Variants in MYOM2 observed in about 807,000 individuals in gnomAD.
The protein encoded by MYOM2 is myomesin-2.
In MYOM2, 254 loss-of-function variants were observed where a neutral mutation model predicts 187.6. The ratio of observed to expected loss-of-function variants is 1.35; its 90% CI spans 1.22 to 1.50. The LOEUF is 1.50. Among genes scored for constraint, MYOM2 ranks in the 40% most tolerant of loss-of-function variants. MYOM2 has a pLI of 0.00. For missense variants in MYOM2, 2,796 were observed against 1,924.0 expected (o/e 1.45, Z -8.48); for synonymous variants, 981 against 753.8 (o/e 1.30, Z -4.94).
chr8:2,109,575 C>G, intron 25 of MYOM2, 44 bp downstream of exon 25: 7 of 1,571,290 alleles, frequency 4.5e-6, no homozygotes, highest in Non-Finnish European at 6.0e-6. Flanking sequence ...AGGGAGTCCA[C>G]TTTTGTTGTG....
chr8:2,086,641 G>A (rs1473995325), intron 14 of MYOM2, among the ~76,000 whole-genome samples: 1 of 152,270 alleles, frequency 6.6e-6, no homozygotes, highest in Non-Finnish European at 1.5e-5. Flanking sequence ...AGCAGGGGCG[G>A]AAATTGGCAC....
intron 35 of MYOM2, 132 bp downstream of exon 35, chr8:2,142,529 C>T: frequency 1.2e-6 from 1 of 860,878 alleles, no homozygotes; most frequent in East Asian, 2.4e-5. Context: ...AACAACGCCA[C>T]CAACACCACA....
chr8:2,129,221 C>G lies in MYOM2; in HGVS notation c.3789C>G (p.Asn1263Lys). The change falls in exon 32 of 37, where the codon AAC becomes AAG. Residue 1263 changes from asparagine to lysine, a missense_variant. Asn to Lys is a moderately conservative substitution (Grantham distance 94). Transcript: ENST00000262113. The stretch of plus-strand genomic sequence containing the variant: ...ATTTTACAGACGAAATGAAAGTGAA[C>G]TGGTGTCACAAGTAAGTATGACAGC... ...MKYFTDEMKV[N>K]WCHKDAKISS... 2 of 1,608,764 alleles carry G rather than the reference C, an allele frequency of 1.2e-6. No individual in the cohort carries two copies. Among genetic ancestry groups the G allele is most frequent in the Non-Finnish European group, 1.7e-6 (2 of 1,175,374 alleles).
intron 35 of MYOM2, 77 bp downstream of exon 35, chr8:2,142,474 A>G: frequency 7.1e-7 from 1 of 1,410,050 alleles, no homozygotes; most frequent in Non-Finnish European, 1.0e-6. Context: ...TTGGAGGACC[A>G]ACTTTGTGTA....
At position 2,116,281 on chromosome 8, in the gene MYOM2, T is replaced by C; in HGVS notation, c.3385+6T>C. The C allele has an allele frequency of 6.2e-7, 1 of 1,611,982 alleles. No homozygotes were observed. Among genetic ancestry groups the C allele is most frequent in the Non-Finnish European group, 8.5e-7 (1 of 1,178,904 alleles). On this transcript the variant is annotated splice_donor_region_variant and intron_variant, in intron 27 of 36. Transcript: ENST00000262113. ...AGAATTTCTCAGGAAACAAGGTGAG[T>C]TTCCTCACTCTGACCGGCTCCCCTG...
In MYOM2 at chr8:2,078,824, G is replaced by A. The variant is rs1819523515; in HGVS notation, c.1353G>A (p.Arg451=). 6.2e-7 allele frequency: 1 copy of A among 1,614,146 alleles called. No individual in the cohort carries two copies. The highest frequency in any genetic ancestry group is 1.1e-5 in the South Asian group (1 of 91,080). The part of the protein sequence containing the change: ...KYPVTGLFEG[R]SYIFRVRAVN... ...CGGTCACAGGGCTTTTTGAAGGAAG[G>A]TCTTACATATTCCGAGTGAGGGCAG... is the stretch of plus-strand genomic sequence containing the variant. The change falls in exon 12 of 37, where the codon AGG becomes AGA. Residue 451 remains arginine, a synonymous_variant. Transcript: ENST00000262113.
chr8:2,142,745 C>CCTT (rs1277698882), intron 35 of MYOM2, among the ~76,000 whole-genome samples: 1 of 724 alleles, frequency 1.4e-3, no homozygotes, highest in African/African-American at 4.8e-3. Flanking sequence ...TCCCTTCCTC[C>CCTT]CCTCCCTCCC....
intron 6 of MYOM2, among the ~76,000 whole-genome samples, chr8:2,063,642 T>A (rs933148417): frequency 2.0e-5 from 3 of 152,260 alleles, no homozygotes; most frequent in Non-Finnish European, 2.9e-5. Context: ...TAGAGCTTGA[T>A]GTTTAAATTT....
At position 2,129,187 on chromosome 8, in the gene MYOM2, T is replaced by C. The variant is rs746666455; in HGVS notation, c.3755T>C (p.Phe1252Ser). ...CTPEGIRLQC[F>S]MKYFTDEMKV... ...CCAGAAGGAATACGACTTCAGTGTT[T>C]CATGAAGTATTTTACAGACGAAATG... Residue 1252 changes from phenylalanine to serine, a missense_variant, in exon 32 of 37, where the codon TTC (phenylalanine) becomes TCC (serine). Phe to Ser is a radical substitution (Grantham distance 155). Transcript: ENST00000262113. The C allele has an allele frequency of 4.2e-5, 68 of 1,612,180 alleles. 3 individuals are homozygous for C. The South Asian group carries it at 7.5e-4, about 18-fold the overall frequency.
intron 15 of MYOM2, among the ~76,000 whole-genome samples, chr8:2,092,019 T>C (rs1038062303): frequency 1.3e-5 from 2 of 152,160 alleles, no homozygotes; most frequent in Non-Finnish European, 2.9e-5. Flanking sequence ...CAAAAAATAG[T>C]TGTTACCCGG....
intron 3 of MYOM2, among the ~76,000 whole-genome samples, chr8:2,052,592 G>A (rs1818529448): frequency 6.6e-6 from 1 of 152,198 alleles, no homozygotes; most frequent in Admixed American, 6.5e-5. Context: ...CCACTGCCCA[G>A]GATTCCATGT....
chr8:2,143,579 G>T, intron 36 of MYOM2, 123 bp downstream of exon 36: 1 of 1,225,762 alleles, frequency 8.2e-7, no homozygotes, highest in East Asian at 2.5e-5. Flanking sequence ...TCAGCCTGCA[G>T]GGAACCCAGA....
chr8:2,046,707 C>T (rs113499309), intron 1 of MYOM2, among the ~76,000 whole-genome samples: 2,601 of 152,090 alleles, frequency 0.017, 31 homozygotes, highest in Middle Eastern at 0.051. Context: ...CAAAAACTAC[C>T]CTGCGAGGAA....
At chr8:2,071,583 G>T (rs917230950) in intron 8 of MYOM2, among the ~76,000 whole-genome samples, 2 of 152,138 alleles carry the variant, frequency 1.3e-5, no homozygotes, top group Admixed American at 6.5e-5. Flanking sequence ...GCTGAGGTTG[G>T]ACTTAAACCT....
At chr8:2,109,604 A>T in intron 25 of MYOM2, 73 bp downstream of exon 25, 1 of 1,463,218 alleles carries the variant, frequency 6.8e-7, no homozygotes. Flanking sequence ...GTTACTGAAT[A>T]TCAACATTCT....
chr8:2,130,076 CTG>C (rs1484473434), intron 32 of MYOM2, among the ~76,000 whole-genome samples: 1 of 151,892 alleles, frequency 6.6e-6, no homozygotes, highest in Non-Finnish European at 1.5e-5. Context: ...CGTCAGTACA[CTG>C]TACCCAGGGC....
In MYOM2 at chr8:2,102,766, G is replaced by A. The variant is rs140537822; in HGVS notation, c.2719G>A (p.Val907Ile). The change falls in exon 21 of 37, where the codon GTA becomes ATA. Residue 907 changes from valine (V) to isoleucine (I), a missense_variant. Coordinates refer to ENST00000262113, the MANE Select transcript of MYOM2 (RefSeq NM_003970.4). ...CTCAGACACGTCGGAGCCTGTGCTGGTAGAGGCGAGACCAGGTAAGGCTTA... is the reference window on the plus strand; with the variant it reads ...CTCAGACACGTCGGAGCCTGTGCTGATAGAGGCGAGACCAGGTAAGGCTTA... Reference protein sequence around the residue: ...KPSDTSEPVLVEARPGTKEIS... With the variant: ...KPSDTSEPVLIEARPGTKEIS... The A allele has an allele frequency of 2.5e-6, 4 of 1,613,394 alleles. No homozygotes were observed. Among genetic ancestry groups the A allele is most frequent in the African/African-American group, 2.7e-5 (2 of 74,926 alleles).
intron 6 of MYOM2, among the ~76,000 whole-genome samples, chr8:2,065,439 G>GCGCAC (rs1231977906): frequency 6.6e-6 from 1 of 152,086 alleles, no homozygotes; most frequent in Non-Finnish European, 1.5e-5. Flanking sequence ...GTGTGGTGGT[G>GCGCAC]CGCACCTGTA....
At chr8:2,118,572 G>A (rs1043737814) in intron 28 of MYOM2, among the ~76,000 whole-genome samples, 5 of 152,216 alleles carry the variant, frequency 3.3e-5, no homozygotes, top group African/African-American at 4.8e-5. Flanking sequence ...CGTGAGCTGC[G>A]TGTGCCAAGG....
Sources: allele counts gnomAD v4.1 joint callset (sites outside exome capture counted in the v4.1 genomes callset), GRCh38; gene constraint gnomAD v4.1.1; transcripts MANE v1.5; gene names NCBI Gene and HGNC (gene_info 2026-07-23, HGNC 2026-07-21).